ASXL3: variants seen among roughly 807,000 people sequenced by gnomAD.
ASXL3 encodes putative Polycomb group protein ASXL3.
ASXL3 carries 34 observed loss-of-function variants against 170.6 expected under a neutral mutation model. The observed-to-expected ratio is 0.20, with a 90% CI of 0.15 to 0.27. The LOEUF (loss-of-function observed/expected upper bound fraction) is 0.27. ASXL3 is among the 10% of genes least tolerant of loss of function. The pLI is 1.00. For missense variants in ASXL3, 2,592 were observed against 2,695.3 expected, an observed-to-expected ratio of 0.96 and a Z score of 0.85; for synonymous variants, 1,002 against 989.1, an observed-to-expected ratio of 1.01 and a Z score of -0.24.
At chr18:33,585,572 G>T (rs938751383) in intron 1 of ASXL3, among the ~76,000 whole-genome samples, 1 of 152,130 alleles carries the variant, frequency 6.6e-6, no homozygotes, top group South Asian at 2.1e-4. Flanking sequence ...TTGGGAATAG[G>T]CAGGTCTCCT....
chr18:33,679,655 T>C (rs1424004595), intron 7 of ASXL3, among the ~76,000 whole-genome samples: 2 of 152,120 alleles, frequency 1.3e-5, no homozygotes, highest in Non-Finnish European at 2.9e-5. Flanking sequence ...GTGCTTTGTG[T>C]GTATGTGGGA....
intron 8 of ASXL3, among the ~76,000 whole-genome samples, chr18:33,728,746 G>T (rs1449804492): frequency 6.6e-6 from 1 of 151,918 alleles, no homozygotes; most frequent in African/African-American, 2.4e-5. Flanking sequence ...TCTTTCTTTT[G>T]TTGCCTTTTA....
rs542239148 is a variant in ASXL3 at position 33,584,264 on chromosome 18, G to A, written c.54+5579G>A. On this transcript the variant is annotated intron_variant, in intron 1 of 11. Coordinates refer to ENST00000269197, the MANE Select transcript of ASXL3 (RefSeq NM_030632.3). ...GAATCTAGAAATACCAGAAGACTTG[G>A]GGGGGCATAGGCACTGGGACAGAAT... Among the ~76,000 whole-genome samples the A allele has an allele frequency of 2.6e-4, 40 of 151,892 alleles. 1 individual carries two copies. Among genetic ancestry groups the A allele is most frequent in the Non-Finnish European group, 5.4e-4 (37 of 67,946 alleles).
Position 33,743,089 on chromosome 18 carries a change from A to C in ASXL3, c.3241A>C (p.Ser1081Arg). 2 of 1,613,564 alleles carry C rather than the reference A, an allele frequency of 1.2e-6. No individual in the cohort carries two copies. The change falls in exon 12 of 12, where the codon AGC becomes CGC. Residue 1081 changes from serine (S) to arginine (R), a missense_variant. This residue lies in a region of ASXL3 where 2,246 missense variants were observed against 2,219.6 expected (regional missense o/e 1.01). Transcript: ENST00000269197. ...AGCTGCTGCTGTGGCTGCTGCAGCG[A>C]GCATTGTCTCTGGAGCCATGGGAAG... ...AAAAAVAAAA[S>R]IVSGAMGSPG...
At chr18:33,645,829 A>G (rs956006152) in intron 3 of ASXL3, among the ~76,000 whole-genome samples, 1 of 152,006 alleles carries the variant, frequency 6.6e-6, no homozygotes, top group Non-Finnish European at 1.5e-5. Context: ...GCTGTGGTCT[A>G]CTGTGTGTGT....
At chr18:33,738,447 T>A in intron 10 of ASXL3, 40 bp from the exon 11 acceptor site, 1 of 1,535,992 alleles carries the variant, frequency 6.5e-7, no homozygotes, top group South Asian at 1.3e-5. Flanking sequence ...CCTTTTATGT[T>A]TTGTGGTTGA....
At chr18:33,629,171 A>G (rs1168602215) in intron 2 of ASXL3, among the ~76,000 whole-genome samples, 3 of 152,126 alleles carry the variant, frequency 2.0e-5, no homozygotes, top group African/African-American at 7.2e-5. Context: ...TTTATCTACT[A>G]TCAACTCCTG....
chr18:33,733,881 A>G (rs2067495659), intron 9 of ASXL3, among the ~76,000 whole-genome samples: 2 of 152,152 alleles, frequency 1.3e-5, no homozygotes, highest in Non-Finnish European at 2.9e-5. Flanking sequence ...ACCTAGGCAG[A>G]ATTAAGCGCT....
intron 8 of ASXL3, among the ~76,000 whole-genome samples, chr18:33,705,232 A>G (rs1420285585): frequency 4.0e-5 from 6 of 151,714 alleles, no homozygotes; most frequent in Non-Finnish European, 8.9e-5. Flanking sequence ...ATAACAATGA[A>G]GCTACCATTT....
intron 2 of ASXL3, among the ~76,000 whole-genome samples, chr18:33,613,365 C>T (rs762561054): frequency 6.6e-6 from 1 of 152,034 alleles, no homozygotes; most frequent in Non-Finnish European, 1.5e-5. Context: ...CTTCCTTCCC[C>T]CTTTACAAAT....
rs1272269863 is a variant in ASXL3 at position 33,671,828 on chromosome 18, C to A, written c.677C>A (p.Thr226Lys). ...HGQKSPTGKQ[T>K]SQHLKRLKKS... is the part of the protein sequence containing the mutation. ...CAAAAATCTCCCACTGGAAAACAAA[C>A]AAGTCAGCACTTAAAACGATTAAAA... The change falls in exon 7 of 12, where the codon ACA (threonine) becomes AAA (lysine). Residue 226 changes from threonine to lysine, a missense_variant. Transcript: ENST00000269197. 1.2e-6 allele frequency: 2 copies of A among 1,610,874 alleles called. No individual in the cohort carries two copies. The highest frequency in any genetic ancestry group is 3.3e-5 in the Admixed American group (2 of 59,760).
chr18:33,719,031 CTAGG>C (rs2067214725), intron 8 of ASXL3, among the ~76,000 whole-genome samples: 1 of 152,018 alleles, frequency 6.6e-6, no homozygotes, highest in South Asian at 2.1e-4. Flanking sequence ...ACAAAAAACT[CTAGG>C]AAGTAGTTTG....
At chr18:33,691,708 G>A (rs1465333350) in intron 8 of ASXL3, among the ~76,000 whole-genome samples, 1 of 152,136 alleles carries the variant, frequency 6.6e-6, no homozygotes, top group Non-Finnish European at 1.5e-5. Context: ...TATATATCAT[G>A]CTATGGGAAC....
chr18:33,578,683 C>A lies in ASXL3; in HGVS notation c.52C>A (p.Leu18Met). The stretch of plus-strand genomic sequence containing the variant: ...CCGCACCTGGGCCGAGGCTGCCCGC[C>A]TGGTACGTACCGCCCCCCACACGCC... ...KDRTWAEAAR[L>M]ALEKHPNSPM... Residue 18 changes from leucine to methionine, a missense_variant and splice_region_variant, in exon 1 of 12, where the codon CTG becomes ATG. Coordinates refer to ENST00000269197, the MANE Select transcript of ASXL3 (RefSeq NM_030632.3). 1 of 1,323,836 alleles carries A rather than the reference C, an allele frequency of 7.6e-7. No individual in the cohort carries two copies. Among genetic ancestry groups the A allele is most frequent in the Non-Finnish European group, 9.9e-7 (1 of 1,012,494 alleles). The allele number at this position is 1,323,836 out of a possible 1,614,324, so 82.0% of individuals were successfully genotyped here.
At chr18:33,649,988 T>A (rs1393577880) in intron 4 of ASXL3, among the ~76,000 whole-genome samples, 1 of 152,082 alleles carries the variant, frequency 6.6e-6, no homozygotes, top group Non-Finnish European at 1.5e-5. Context: ...CATCAGCGGC[T>A]GAAATTCAGC....
At chr18:33,592,731 T>G (rs1399118521) in intron 1 of ASXL3, among the ~76,000 whole-genome samples, 1 of 152,218 alleles carries the variant, frequency 6.6e-6, no homozygotes, top group East Asian at 1.9e-4. Context: ...ACCTTTACTT[T>G]TGTTTATGAG....
chr18:33,639,342 C>A (rs1805992479), intron 2 of ASXL3, among the ~76,000 whole-genome samples: 1 of 152,110 alleles, frequency 6.6e-6, no homozygotes, highest in African/African-American at 2.4e-5. Flanking sequence ...TGAACTCAGG[C>A]TGACTGGCTC....
intron 2 of ASXL3, chr18:33,641,828 G>A (rs1474779235): frequency 6.6e-6 from 1 of 152,456 alleles, no homozygotes; most frequent in Non-Finnish European, 1.5e-5. Flanking sequence ...TAGAAAGTAA[G>A]TAAATTTGAA....
At chr18:33,635,688 G>A (rs1253446427) in intron 2 of ASXL3, among the ~76,000 whole-genome samples, 1 of 152,132 alleles carries the variant, frequency 6.6e-6, no homozygotes, top group African/African-American at 2.4e-5. Context: ...GAATCACATT[G>A]TTATGAAAGG....
Sources: gnomAD v4.1 joint callset for allele counts (sites outside exome capture counted in the v4.1 genomes callset) on GRCh38, gnomAD v4.1.1 for gene constraint, gnomAD v4.1.1 regional missense constraint, MANE v1.5 for transcripts, NCBI Gene and HGNC (gene_info 2026-07-23, HGNC 2026-07-21) for gene names.